The following DCC variants were observed in gnomAD, a reference collection of about 807,000 sequenced individuals.
The protein encoded by DCC is DCC netrin 1 receptor.
Under a neutral mutation model 172.5 loss-of-function variants are expected in DCC, and 58 were observed. The ratio of observed to expected loss-of-function variants is 0.34; its 90% confidence interval spans 0.27 to 0.42. The LOEUF is 0.42. DCC is among the 10% of genes least tolerant of loss of function. The probability of loss-of-function intolerance (pLI) is 1.00; values close to 1 mark genes in which losing one functional copy is unlikely to be tolerated. For synonymous variants in DCC, 709 were observed against 644.5 expected (o/e 1.10, Z -1.52); for missense variants, 1,740 against 1,791.0 (o/e 0.97, Z 0.51).
chr18:52,417,410 T>C (rs1029775860), intron 1 of DCC, among the ~76,000 whole-genome samples: 1 of 152,258 alleles, frequency 6.6e-6, no homozygotes, highest in African/African-American at 2.4e-5. Flanking sequence ...TGAATCTGAA[T>C]GTTGGCCTGC....
At chr18:53,204,155 A>G (rs1222412516) in intron 9 of DCC, among the ~76,000 whole-genome samples, 1 of 145,964 alleles carries the variant, frequency 6.9e-6, no homozygotes, top group Non-Finnish European at 1.5e-5. Context: ...TTTGATTAAC[A>G]GGGTGCTACT....
intron 1 of DCC, among the ~76,000 whole-genome samples, chr18:52,716,426 G>T: frequency 6.6e-6 from 1 of 152,224 alleles, no homozygotes; most frequent in African/African-American, 2.4e-5. Flanking sequence ...AGGGGAGGAA[G>T]CTCTTGAAGA....
intron 19 of DCC, among the ~76,000 whole-genome samples, chr18:53,409,533 TTATCTGGCAA>T (rs1909865793): frequency 6.6e-6 from 1 of 152,176 alleles, no homozygotes; most frequent in African/African-American, 2.4e-5. Flanking sequence ...CTTTACGGTG[TTATCTGGCAA>T]TATAATATAA....
chr18:53,519,684 G>A lies in DCC; in HGVS notation c.4112-6933G>A, dbSNP rs550575882. On this transcript the variant is annotated intron_variant, in intron 27 of 28. Coordinates refer to ENST00000442544, the MANE Select transcript of DCC (RefSeq NM_005215.4). ...TATTTTTCCTTTGACATATGTTTCT[G>A]ATAGAGCTCATAGAAGTTCTATGAA... Among the ~76,000 whole-genome samples the A allele has an allele frequency of 7.9e-5, 12 of 152,086 alleles. No homozygotes were observed. In the South Asian group the frequency reaches 2.5e-3, roughly 32 times the overall value.
intron 1 of DCC, among the ~76,000 whole-genome samples, chr18:52,597,426 G>C (rs1467925987): frequency 1.3e-5 from 2 of 152,156 alleles, no homozygotes; most frequent in Non-Finnish European, 2.9e-5. Flanking sequence ...ACATTTCACT[G>C]TCAACTGGCA....
intron 27 of DCC, among the ~76,000 whole-genome samples, chr18:53,513,135 A>G (rs1475956560): frequency 2.6e-5 from 4 of 152,224 alleles, no homozygotes; most frequent in East Asian, 3.8e-4. Flanking sequence ...CTACAAGCCA[A>G]AAGAGAGTGG....
At chr18:52,664,020 T>G (rs183288479) in intron 1 of DCC, among the ~76,000 whole-genome samples, 222 of 152,326 alleles carry the variant, frequency 1.5e-3, no homozygotes, top group Non-Finnish European at 2.5e-3. Flanking sequence ...AGAATTCATA[T>G]GAGTTGAGAG....
chr18:52,575,775 G>T (rs1052304898), intron 1 of DCC, among the ~76,000 whole-genome samples: 1 of 152,006 alleles, frequency 6.6e-6, no homozygotes, highest in African/African-American at 2.4e-5. Flanking sequence ...ATTCTTTTAG[G>T]TATAACTTAG....
At chr18:53,499,005 G>T (rs889461790) in intron 26 of DCC, among the ~76,000 whole-genome samples, 2 of 152,096 alleles carry the variant, frequency 1.3e-5, no homozygotes, top group Non-Finnish European at 2.9e-5. Context: ...CATCACTTAT[G>T]ATTAGAGGGC....
chr18:52,837,087 T>A (rs1040565506), intron 2 of DCC, among the ~76,000 whole-genome samples: 9 of 152,178 alleles, frequency 5.9e-5, no homozygotes, highest in African/African-American at 2.2e-4. Flanking sequence ...CTTTTGACCA[T>A]GGCTGGAGTG....
At chr18:52,851,104 A>T (rs1173184618) in intron 2 of DCC, among the ~76,000 whole-genome samples, 2 of 152,086 alleles carry the variant, frequency 1.3e-5, no homozygotes, top group African/African-American at 2.4e-5. Flanking sequence ...GTATCTTACG[A>T]TGTATACTTG....
intron 7 of DCC, among the ~76,000 whole-genome samples, chr18:53,144,984 C>T (rs796442908): frequency 1.5e-4 from 23 of 152,000 alleles, no homozygotes; most frequent in African/African-American, 5.5e-4. Flanking sequence ...TCTTTAGAAC[C>T]AGTGTGCTAT....
intron 19 of DCC, among the ~76,000 whole-genome samples, chr18:53,404,249 C>T (rs1319066878): frequency 8.0e-6 from 1 of 125,428 alleles, no homozygotes; most frequent in East Asian, 2.0e-4. Context: ...AAAACAGGTT[C>T]TGATAGAAAA....
At chr18:53,255,030 T>C (rs992403538) in intron 12 of DCC, among the ~76,000 whole-genome samples, 4 of 151,912 alleles carry the variant, frequency 2.6e-5, no homozygotes, top group African/African-American at 9.7e-5. Context: ...CACTCCTCTA[T>C]TGGAAACAAT....
chr18:53,522,253 G>C (rs1469980145), intron 27 of DCC, among the ~76,000 whole-genome samples: 2 of 151,360 alleles, frequency 1.3e-5, no homozygotes, highest in Admixed American at 6.6e-5. Context: ...ATGGCACCAG[G>C]AACACCGTGG....
chr18:52,754,053 TC>T (rs2083948685), intron 2 of DCC: 1 of 152,212 alleles, frequency 6.6e-6, no homozygotes, highest in Non-Finnish European at 1.5e-5. Context: ...GGCTGTTTAG[TC>T]ATTTGTTATG....
chr18:53,370,039 A>AT (rs1299845575), intron 15 of DCC, among the ~76,000 whole-genome samples: 1 of 151,626 alleles, frequency 6.6e-6, no homozygotes, highest in Non-Finnish European at 1.5e-5. Flanking sequence ...ACTGGTACTA[A>AT]TTTTTTTAAT....
At chr18:52,488,972 C>T (rs2030364065) in intron 1 of DCC, among the ~76,000 whole-genome samples, 1 of 152,080 alleles carries the variant, frequency 6.6e-6, no homozygotes, top group African/African-American at 2.4e-5. Flanking sequence ...TCTCTTCACT[C>T]TTTTTCTTCA....
At chr18:53,400,025 G>A (rs74758599) in intron 18 of DCC, among the ~76,000 whole-genome samples, 2,148 of 152,102 alleles carry the variant, frequency 0.014, 61 homozygotes, top group African/African-American at 0.049. Context: ...CTTGAGATAC[G>A]AACTTGGTAA....
Sources: allele counts gnomAD v4.1 joint callset (sites outside exome capture counted in the v4.1 genomes callset), GRCh38; gene constraint gnomAD v4.1.1; transcripts MANE v1.5; gene names NCBI Gene and HGNC (gene_info 2026-07-23, HGNC 2026-07-21).